The following MALAT1 variants were observed in gnomAD, a reference collection of about 807,000 sequenced individuals.
The protein encoded by MALAT1 is metastasis associated lung adenocarcinoma transcript 1.
At chr11:65,504,481 G>GT (rs747656798) in intron 3 of MALAT1, 1 of 518,930 alleles carries the variant, frequency 1.9e-6, no homozygotes, top group East Asian at 5.4e-5. Context: ...AGTAGTGATT[G>GT]TTGAAGGAAA....
intron 3 of MALAT1, chr11:65,506,086 T>G (rs749039169): frequency 4.9e-6 from 2 of 409,924 alleles, no homozygotes; most frequent in African/African-American, 4.3e-5. Context: ...CTTTTTGGCC[T>G]TTTTCTAGCT....
At chr11:65,506,087 T>G in intron 3 of MALAT1, 1 of 415,880 alleles carries the variant, frequency 2.4e-6, no homozygotes, top group Non-Finnish European at 4.6e-6. Context: ...TTTTTGGCCT[T>G]TTTCTAGCTT....
At chr11:65,500,270 T>C (rs758372126) in exon 3 of MALAT1, 21 of 518,792 alleles carry the variant, frequency 4.0e-5, no homozygotes, top group South Asian at 2.7e-4. Context: ...TTGAAAAATG[T>C]GAAGGACTTT....
At chr11:65,500,604 T>C in exon 3 of MALAT1, 1 of 518,810 alleles carries the variant, frequency 1.9e-6, no homozygotes, top group South Asian at 1.4e-5. Flanking sequence ...GTGGTGAAGC[T>C]AGGAAAAAGG....
chr11:65,504,283 A>AG (rs749683708), intron 3 of MALAT1: 2 of 481,630 alleles, frequency 4.2e-6, no homozygotes, highest in Non-Finnish European at 8.1e-6. Context: ...GGATGGGAGG[A>AG]GGGGGTGGGG....
At chr11:65,500,652 TAGC>T (rs1338151384) in exon 3 of MALAT1, 1 of 518,938 alleles carries the variant, frequency 1.9e-6, no homozygotes, top group Non-Finnish European at 3.8e-6. Context: ...GTGATGAAGG[TAGC>T]AGGCGGCTTG....
chr11:65,505,879 G>A (rs1338045521), intron 3 of MALAT1: 1 of 444,808 alleles, frequency 2.2e-6, no homozygotes. Flanking sequence ...GTAGACTGGA[G>A]AAGATAGGCA....
At chr11:65,500,564 TAGGAAGA>T in exon 3 of MALAT1, 1 of 518,618 alleles carries the variant, frequency 1.9e-6, no homozygotes, top group Admixed American at 1.9e-5. Flanking sequence ...TGAAGGAAGC[TAGGAAGA>T]AGGAAGGAGC....
Position 65,498,471 on chromosome 11 carries a change from A to G in MALAT1, n.179-211A>G, listed in dbSNP as rs141995771. Reference sequence around the variant, plus strand: ...AAGAGTGGGTTTTCACGTTTCTAAGATTTCCCAAGCAGACAGCCCGTGCTG... The same window carrying G: ...AAGAGTGGGTTTTCACGTTTCTAAGGTTTCCCAAGCAGACAGCCCGTGCTG... On this transcript the variant is annotated intron_variant and non_coding_transcript_variant, in intron 1 of 3. Transcript: ENST00000619449. 757 of 518,538 alleles carry G rather than the reference A, an allele frequency of 1.5e-3. 1 individual carries two copies. Among genetic ancestry groups the G allele is most frequent in the Non-Finnish European group, 2.7e-3 (689 of 259,830 alleles). 32.1% of individuals were successfully genotyped at this position (518,538 alleles called of 1,614,324 possible). A position where few individuals can be genotyped will look rare whatever the true frequency, so the allele number is the denominator to read the frequency against.
exon 3 of MALAT1, chr11:65,500,310 A>G (rs765945886): frequency 7.7e-6 from 4 of 518,830 alleles, no homozygotes; most frequent in Non-Finnish European, 1.2e-5. Flanking sequence ...GATCAAGAGT[A>G]ATTACCAACT....
At chr11:65,505,730 A>G (rs777142910) in intron 3 of MALAT1, 2 of 518,908 alleles carry the variant, frequency 3.9e-6, no homozygotes, top group African/African-American at 3.8e-5. Flanking sequence ...TTGCCTGCAA[A>G]TTGTTAACAG....
chr11:65,505,543 G>C (rs1590707787), intron 3 of MALAT1: 1 of 515,694 alleles, frequency 1.9e-6, no homozygotes, highest in African/African-American at 1.9e-5. Context: ...CTCCCCACAA[G>C]CAACTTCTCT....
At chr11:65,500,455 A>G (rs1328540206) in exon 3 of MALAT1, 1 of 519,024 alleles carries the variant, frequency 1.9e-6, no homozygotes, top group Non-Finnish European at 3.8e-6. Flanking sequence ...ACAGGATTCC[A>G]GGAACCAGTG....
exon 1 of MALAT1, chr11:65,497,772 G>A (rs377006489): frequency 2.8e-5 from 13 of 465,436 alleles, no homozygotes; most frequent in African/African-American, 2.0e-4. Context: ...GTAAAGGACT[G>A]GGGCCCCGCA....
chr11:65,502,363 TTTC>T (rs1415001900), exon 3 of MALAT1: 3 of 511,226 alleles, frequency 5.9e-6, no homozygotes, highest in African/African-American at 1.9e-5. Flanking sequence ...CCTGAAGGGA[TTTC>T]TTCTGATGGT....
exon 3 of MALAT1, chr11:65,501,060 A>AT (rs1166352225): frequency 2.0e-6 from 1 of 509,664 alleles, no homozygotes; most frequent in Admixed American, 2.0e-5. Context: ...TGATAGCCAA[A>AT]TTGAGACAAT....
exon 3 of MALAT1, chr11:65,499,795 C>T (rs1456550895): frequency 2.4e-6 from 1 of 417,486 alleles, no homozygotes; most frequent in Non-Finnish European, 4.6e-6. Context: ...AGAAAAAAGA[C>T]AAGCTAGGAA....
chr11:65,503,127 C>T lies in MALAT1; in HGVS notation n.4390C>T, dbSNP rs551783887. ...TTTCGTTTGCCTCAGACAGGTATCTCTTCGTTATCAGAAGAGTTGCTTCAT... is the reference window on the plus strand; with the variant it reads ...TTTCGTTTGCCTCAGACAGGTATCTTTTCGTTATCAGAAGAGTTGCTTCAT... On this transcript the variant is annotated non_coding_transcript_exon_variant, in exon 3 of 4. Transcript: ENST00000619449. 8 of 508,138 alleles carry T rather than the reference C, an allele frequency of 1.6e-5. No homozygotes were observed. In the East Asian group the frequency reaches 2.8e-4, roughly 17 times the overall value. 31.5% of individuals were successfully genotyped at this position (508,138 alleles called of 1,614,324 possible).
chr11:65,504,266 T>A (rs1358323739), intron 3 of MALAT1: 5 of 518,044 alleles, frequency 9.7e-6, no homozygotes. Context: ...TTTCCTGGAA[T>A]TTGGAGGGAT....
Sources: gnomAD v4.1 joint callset for allele counts on GRCh38, gnomAD v4.1.1 for gene constraint, MANE v1.5 for transcripts, NCBI Gene and HGNC (gene_info 2026-07-23, HGNC 2026-07-21) for gene names.